Variants in MYT1L observed in about 807,000 individuals in gnomAD.
MYT1L encodes the protein myelin transcription factor 1 like.
A neutral mutation model predicts 126.7 loss-of-function variants in MYT1L; 12 were observed. That is an observed-to-expected ratio of 0.09 (90% CI 0.06 to 0.15). The LOEUF (loss-of-function observed/expected upper bound fraction) is 0.15, where lower values mean the gene tolerates loss of function less well. Ranked by LOEUF, MYT1L falls within the 10% of genes least tolerant of loss-of-function variation. The pLI, the probability that MYT1L is intolerant of heterozygous loss-of-function variation, is 1.00. For synonymous variants in MYT1L, 541 were observed against 604.2 expected (o/e 0.90, Z 1.53); for missense variants, 979 against 1,585.2 (o/e 0.62, Z 6.49).
At position 1,995,004 on chromosome 2, in the gene MYT1L, A is replaced by G. The variant is rs1473367581; in HGVS notation, c.-1+2187T>C. Reference sequence around the variant, plus strand: ...AATGTGGAATCTGTGACATATGTTAAGTATTCACTGGGGAGGAAATACGTT... The same window carrying G: ...AATGTGGAATCTGTGACATATGTTAGGTATTCACTGGGGAGGAAATACGTT... On this transcript the variant is annotated intron_variant, in intron 5 of 24. Coordinates refer to ENST00000647738, the MANE Select transcript of MYT1L (RefSeq NM_001303052.2). Among the ~76,000 whole-genome samples the G allele has an allele frequency of 2.0e-5, 3 of 152,252 alleles. No homozygotes were observed. The East Asian group carries it at 5.8e-4, about 29-fold the overall frequency.
intron 4 of MYT1L, among the ~76,000 whole-genome samples, chr2:2,050,909 G>A (rs1446726919): frequency 6.6e-6 from 1 of 152,154 alleles, no homozygotes; most frequent in Non-Finnish European, 1.5e-5. Flanking sequence ...CTGCACAACA[G>A]CTACTAAAAT....
chr2:1,861,265 T>G (rs1037819757), intron 18 of MYT1L, among the ~76,000 whole-genome samples: 29 of 152,030 alleles, frequency 1.9e-4, no homozygotes, highest in Admixed American at 1.6e-3. Context: ...AGACTCCTTT[T>G]CAGTTACATA....
At chr2:2,169,898 A>T (rs2089762215) in intron 3 of MYT1L, among the ~76,000 whole-genome samples, 1 of 152,200 alleles carries the variant, frequency 6.6e-6, no homozygotes, top group Admixed American at 6.5e-5. Flanking sequence ...GTTTGGTTTC[A>T]CATCCCACAC....
intron 13 of MYT1L, among the ~76,000 whole-genome samples, chr2:1,909,686 C>T (rs143007866): frequency 3.9e-5 from 6 of 152,262 alleles, no homozygotes; most frequent in East Asian, 1.9e-4. Flanking sequence ...ATTTAACCTC[C>T]GCACTCTGGA....
intron 4 of MYT1L, among the ~76,000 whole-genome samples, chr2:2,001,253 G>GTTTTTTTTTTTTTTTTTT (rs1558682554): frequency 2.3e-5 from 1 of 43,506 alleles, no homozygotes; most frequent in African/African-American, 1.1e-4. Context: ...TTTTTTTTTT[G>GTTTTTTTTTTTTTTTTTT]CTTTTTTTTT....
At chr2:1,876,427 C>A (rs1055332398) in intron 18 of MYT1L, among the ~76,000 whole-genome samples, 1 of 152,100 alleles carries the variant, frequency 6.6e-6, no homozygotes, top group Non-Finnish European at 1.5e-5. Context: ...AGAGCACCCC[C>A]ACACATGCAC....
intron 4 of MYT1L, among the ~76,000 whole-genome samples, chr2:2,001,463 C>G (rs2062389575): frequency 6.6e-6 from 1 of 152,128 alleles, no homozygotes; most frequent in Non-Finnish European, 1.5e-5. Context: ...TGGTTAATAT[C>G]TCACACAAGG....
At chr2:2,314,718 A>G (rs1237892856) in intron 1 of MYT1L, among the ~76,000 whole-genome samples, 1 of 152,112 alleles carries the variant, frequency 6.6e-6, no homozygotes, top group Non-Finnish European at 1.5e-5. Context: ...CCCTCCCTCA[A>G]GACAATCCTA....
At chr2:2,129,586 A>G (rs1052953586) in intron 3 of MYT1L, among the ~76,000 whole-genome samples, 1 of 152,146 alleles carries the variant, frequency 6.6e-6, no homozygotes, top group Admixed American at 6.6e-5. Context: ...CGCAGCCACA[A>G]ACACCAATTG....
At chr2:2,140,947 T>G (rs1020851994) in intron 3 of MYT1L, among the ~76,000 whole-genome samples, 4 of 152,234 alleles carry the variant, frequency 2.6e-5, no homozygotes, top group African/African-American at 9.6e-5. Flanking sequence ...AATACTTTTT[T>G]TTAAATTAAC....
chr2:1,966,340 C>T (rs566093871), intron 8 of MYT1L, among the ~76,000 whole-genome samples: 4 of 152,256 alleles, frequency 2.6e-5, no homozygotes, highest in African/African-American at 7.2e-5. Context: ...TAAAAACGAT[C>T]GTTTTAAAAA....
In MYT1L at chr2:1,929,597, T is replaced by C. The variant is rs1386149906; in HGVS notation, c.506-6334A>G. On this transcript the variant is annotated intron_variant, in intron 9 of 24. Transcript: ENST00000647738. This position sits in a 1 kb window ranked among gnomAD's most constrained non-coding sequence, Gnocchi z 4.7. Reference sequence around the variant, plus strand: ...CATAGGAAATTTTCAGAATAGTCTGTCCATATGCACAGTTCAGTGATTTCT... The same window carrying C: ...CATAGGAAATTTTCAGAATAGTCTGCCCATATGCACAGTTCAGTGATTTCT... 1.3e-5 allele frequency among the ~76,000 whole-genome samples: 2 copies of C among 152,218 alleles called. No individual in the cohort carries two copies. The highest frequency in any genetic ancestry group is 4.8e-5 in the African/African-American group (2 of 41,458).
At chr2:1,826,108 C>CT (rs955856593) in intron 21 of MYT1L, 2 of 152,348 alleles carry the variant, frequency 1.3e-5, no homozygotes, top group African/African-American at 4.8e-5. Context: ...GTGAGTTGGA[C>CT]TGTGAGCTCC....
intron 9 of MYT1L, among the ~76,000 whole-genome samples, chr2:1,924,377 C>T (rs900296325): frequency 6.6e-6 from 1 of 152,100 alleles, no homozygotes; most frequent in Non-Finnish European, 1.5e-5. Context: ...ATTTGGTTAA[C>T]TGCATGCCAT....
chr2:2,128,364 T>C (rs1449238717), intron 3 of MYT1L, among the ~76,000 whole-genome samples: 2 of 152,130 alleles, frequency 1.3e-5, no homozygotes, highest in East Asian at 1.9e-4. Flanking sequence ...GTTAGCCAGG[T>C]TGGTCTTGAA....
intron 21 of MYT1L, among the ~76,000 whole-genome samples, chr2:1,823,811 G>A (rs952433036): frequency 3.9e-5 from 6 of 152,348 alleles, no homozygotes; most frequent in African/African-American, 1.4e-4. Context: ...CAGTGGTGGC[G>A]GCCCTCGTCC....
intron 1 of MYT1L, among the ~76,000 whole-genome samples, chr2:2,319,552 G>A (rs2096124902): frequency 2.0e-5 from 3 of 152,092 alleles, no homozygotes; most frequent in Admixed American, 1.3e-4. Flanking sequence ...GTTGAATAGA[G>A]AATATGGTGA....
At chr2:2,262,233 T>TCTTTCTTAAGTTCTTTTCTTA (rs1359291793) in intron 2 of MYT1L, among the ~76,000 whole-genome samples, 9 of 152,240 alleles carry the variant, frequency 5.9e-5, no homozygotes, top group Non-Finnish European at 2.9e-5. Flanking sequence ...GTGTTTTATC[T>TCTTTCTTAAGTTCTTTTCTTA]ATTTCTTAAG....
chr2:1,837,167 A>C (rs1312827575), intron 21 of MYT1L, among the ~76,000 whole-genome samples: 2 of 152,248 alleles, frequency 1.3e-5, no homozygotes, highest in East Asian at 3.9e-4. Flanking sequence ...ATGCAACCAG[A>C]GGCTGGGGAG....
Sources: gnomAD v4.1 joint callset for allele counts (sites outside exome capture counted in the v4.1 genomes callset) on GRCh38, gnomAD v4.1.1 for gene constraint, Gnocchi (gnomAD v3.1) non-coding constraint, MANE v1.5 for transcripts, NCBI Gene and HGNC (gene_info 2026-07-23, HGNC 2026-07-21) for gene names.